The following ZNF75A variants were observed in gnomAD, a reference collection of about 807,000 sequenced individuals.
The protein encoded by ZNF75A is zinc finger protein 75A.
A neutral mutation model predicts 46.3 loss-of-function variants in ZNF75A; 36 were observed. The ratio of observed to expected loss-of-function variants is 0.78; its 90% CI spans 0.60 to 1.03. ZNF75A has a LOEUF of 1.03. ZNF75A is among the 50% of genes least tolerant of loss of function. The probability of loss-of-function intolerance (pLI) is 0.00; values close to 1 mark genes in which losing one functional copy is unlikely to be tolerated. For synonymous variants in ZNF75A, 234 were observed against 189.9 expected (o/e 1.23, Z -1.91); for missense variants, 595 against 551.3 (o/e 1.08, Z -0.79).
At chr16:3,321,876 C>G (rs1433019625), downstream of ZNF75A, among the ~76,000 whole-genome samples, 1 of 152,180 alleles carries the variant, frequency 6.6e-6, no homozygotes, top group Non-Finnish European at 1.5e-5. Context: ...CTACTGAGAA[C>G]AGTGTTTAAT....
Position 3,316,566 on chromosome 16 carries a change from A to G in ZNF75A, c.824-346A>G, listed in dbSNP as rs531349425. On this transcript the variant is annotated intron_variant, in intron 5 of 6. Coordinates refer to ENST00000669516, the MANE Select transcript of ZNF75A (RefSeq NM_001302109.2). ...TCTTATCCAGGCTGAGTCCTTCTGA[A>G]GAGTTAATAAGACCAGCTTATATTC... is the stretch of plus-strand genomic sequence containing the variant. 5.9e-5 allele frequency: 10 copies of G among 168,784 alleles called. No homozygotes were observed. The East Asian group carries it at 6.7e-4, about 11-fold the overall frequency. 10.5% of individuals were successfully genotyped at this position (168,784 alleles called of 1,614,324 possible). A position where few individuals can be genotyped will look rare whatever the true frequency, so the allele number is the denominator to read the frequency against.
intron 3 of ZNF75A, 73 bp from the exon 4 acceptor site, chr16:3,312,604 A>G (rs1960893672): frequency 3.1e-6 from 2 of 643,342 alleles, no homozygotes; most frequent in Non-Finnish European, 3.9e-6. Flanking sequence ...AAAAGTCAGG[A>G]TCAGTGTTTT....
chr16:3,317,066 C>A, intron 6 of ZNF75A, 44 bp downstream of exon 6: 1 of 1,565,626 alleles, frequency 6.4e-7, no homozygotes, highest in Non-Finnish European at 8.7e-7. Flanking sequence ...TTGATGTGAA[C>A]TTTTGCAAGG....
intron 2 of ZNF75A, chr16:3,310,983 T>A (rs896110407): frequency 5.6e-5 from 55 of 983,464 alleles, no homozygotes; most frequent in Non-Finnish European, 6.6e-5. Flanking sequence ...CTCCATTCTA[T>A]CCCCATTCTC....
intron 2 of ZNF75A, 21 bp downstream of exon 2, chr16:3,308,857 C>T (rs1960485674): frequency 2.0e-6 from 2 of 985,348 alleles, no homozygotes; most frequent in African/African-American, 3.5e-5. Flanking sequence ...AGATTCCTGA[C>T]ATGTACAGTG....
At chr16:3,309,324 C>G (rs1040052000) in intron 2 of ZNF75A, 1 of 151,734 alleles carries the variant, frequency 6.6e-6, no homozygotes, top group Non-Finnish European at 1.5e-5. Flanking sequence ...GGCATGATGA[C>G]CGGTGCCTGT....
rs149914364 is a variant in ZNF75A at position 3,308,595 on chromosome 16, A to C, written c.167A>C (p.Tyr56Ser). ...TGCTGGCACTTCCGGAATTTCACCT[A>C]TGATGAAGCAGGTGGACCCCGTGAG... Reference protein sequence around the residue: ...SSCWHFRNFTYDEAGGPREAV... With the variant: ...SSCWHFRNFTSDEAGGPREAV... Residue 56 changes from tyrosine to serine, a missense_variant, in exon 2 of 7, where the codon TAT becomes TCT. By Grantham distance (144) the Tyr-to-Ser change is moderately radical (BLOSUM62 -2). Transcript: ENST00000669516. 31 of 985,956 alleles carry C rather than the reference A, an allele frequency of 3.1e-5. No individual in the cohort carries two copies. The highest frequency in any genetic ancestry group is 3.6e-5 in the Non-Finnish European group (30 of 830,016). The allele number at this position is 985,956 out of a possible 1,614,324, so 61.1% of individuals were successfully genotyped here. A position where few individuals can be genotyped will look rare whatever the true frequency, so the allele number is the denominator to read the frequency against.
In ZNF75A at chr16:3,317,217, A is replaced by G. The variant is rs1254875508; in HGVS notation, c.962A>G (p.Asn321Ser). 2 of 1,611,518 alleles carry G rather than the reference A, an allele frequency of 1.2e-6. No individual in the cohort carries two copies. The highest frequency in any genetic ancestry group is 4.5e-5 in the East Asian group (2 of 44,872). The change falls in exon 7 of 7, where the codon AAT becomes AGT. Residue 321 changes from asparagine to serine, a missense_variant. By Grantham distance (46) the Asn-to-Ser change is conservative. Coordinates refer to ENST00000669516, the MANE Select transcript of ZNF75A (RefSeq NM_001302109.2). ...TTAAAGCTCAAAAACGACACTGAAA[A>G]TCATCAGCCTGTGTCTCTTTCTGAC... Reference protein sequence around the residue: ...TGLKLKNDTENHQPVSLSDLE... With the variant: ...TGLKLKNDTESHQPVSLSDLE...
rs1333277302 is a variant in ZNF75A, at chr16:3,318,396, C to G, written c.*527C>G. On this transcript the variant is annotated 3_prime_UTR_variant, in exon 7 of 7. Coordinates refer to ENST00000669516, the MANE Select transcript of ZNF75A (RefSeq NM_001302109.2). The stretch of plus-strand genomic sequence containing the variant: ...TTTACTGTGATGAAATCTTGTTAAC[C>G]ACCACTAGGGAATCTCCAGATGAAC... 2 of 987,098 alleles carry G rather than the reference C, an allele frequency of 2.0e-6. No individual in the cohort carries two copies. Among genetic ancestry groups the G allele is most frequent in the Non-Finnish European group, 2.4e-6 (2 of 831,278 alleles). The allele number at this position is 987,098 out of a possible 1,614,324, so 61.1% of individuals were successfully genotyped here.
intron 5 of ZNF75A, chr16:3,315,944 A>C (rs1961174827): frequency 6.6e-6 from 1 of 152,186 alleles, no homozygotes; most frequent in African/African-American, 2.4e-5. Flanking sequence ...TCTTTCTGTT[A>C]CTTGAACTCG....
rs1960814178 is a variant in ZNF75A, at chr16:3,311,718, A to G, written c.409-35A>G. 6 of 1,031,648 alleles carry G rather than the reference A, an allele frequency of 5.8e-6. No individual in the cohort carries two copies. The South Asian group carries it at 1.8e-4, about 32-fold the overall frequency. The allele number at this position is 1,031,648 out of a possible 1,614,324, so 63.9% of individuals were successfully genotyped here. On this transcript the variant is annotated intron_variant, in intron 2 of 6. Transcript: ENST00000669516. ...CCTCCACCCCCACAAACCAAAAGTAAGTTCTGTGGTAACAAGGATGGGAAT... is the reference window on the plus strand; with the variant it reads ...CCTCCACCCCCACAAACCAAAAGTAGGTTCTGTGGTAACAAGGATGGGAAT...
downstream of ZNF75A, chr16:3,318,987 A>C (rs1961420210): frequency 3.0e-6 from 1 of 327,906 alleles, no homozygotes; most frequent in Non-Finnish European, 4.4e-6. Flanking sequence ...GATTGCCAAA[A>C]GTCTGTATAG....
At chr16:3,314,116 T>C (rs1268466338) in intron 5 of ZNF75A, among the ~76,000 whole-genome samples, 3 of 152,130 alleles carry the variant, frequency 2.0e-5, no homozygotes, top group Non-Finnish European at 4.4e-5. Flanking sequence ...AGGATAATCA[T>C]CTGGGGAACC....
At chr16:3,316,733 A>C (rs1961234007) in intron 5 of ZNF75A, 179 bp from the exon 6 acceptor site, 2 of 475,812 alleles carry the variant, frequency 4.2e-6, no homozygotes, top group Non-Finnish European at 7.5e-6. Context: ...TCTGCTTTGC[A>C]TAGCTACCTA....
rs928592154 is a variant in ZNF75A at position 3,314,802 on chromosome 16, A to G, written c.823+1627A>G. The G allele has an allele frequency of 5.1e-6, 5 of 985,314 alleles. No homozygotes were observed. The African/African-American group carries it at 8.7e-5, about 17-fold the overall frequency. The allele number at this position is 985,314 out of a possible 1,614,324, so 61.0% of individuals were successfully genotyped here. ...ATTTTTCTCAGGAAGAATTGGAGTT[A>G]CTGGATTACACTCAGAAGGCCCTCT... On this transcript the variant is annotated intron_variant, in intron 5 of 6. Transcript: ENST00000669516.
chr16:3,322,475 A>T (rs1240101309), downstream of ZNF75A, among the ~76,000 whole-genome samples: 1 of 152,224 alleles, frequency 6.6e-6, no homozygotes, highest in Non-Finnish European at 1.5e-5. Flanking sequence ...CCCAAATCTG[A>T]TAATGCGTGT....
chr16:3,311,111 A>G (rs1960742516), intron 2 of ZNF75A, among the ~76,000 whole-genome samples: 1 of 152,164 alleles, frequency 6.6e-6, no homozygotes. Flanking sequence ...ATTGAAGTCA[A>G]CAGAAAAGGC....
chr16:3,317,201 A>G lies in ZNF75A; in HGVS notation c.946A>G (p.Lys316Glu). 6.2e-7 allele frequency: 1 copy of G among 1,610,714 alleles called. No individual in the cohort carries two copies. Among genetic ancestry groups the G allele is most frequent in the East Asian group, 2.2e-5 (1 of 44,848 alleles). The change falls in exon 7 of 7, where the codon AAA (lysine) becomes GAA (glutamate). Residue 316 changes from lysine to glutamate, a missense_variant. Transcript: ENST00000669516. ...GTTTATTCCAACAGGGTTAAAGCTCAAAAACGACACTGAAAATCATCAGCC... is the reference window on the plus strand; with the variant it reads ...GTTTATTCCAACAGGGTTAAAGCTCGAAAACGACACTGAAAATCATCAGCC... ...AGKSPTGLKL[K>E]NDTENHQPVS...
At position 3,308,671 on chromosome 16, in the gene ZNF75A, C is replaced by T; in HGVS notation, c.243C>T (p.Ile81=). Residue 81 remains isoleucine (I), a synonymous_variant, in exon 2 of 7, where the codon ATC becomes ATT. Transcript: ENST00000669516. ...GTCATCTATGGCTGAAGCCAGAGATCCACTCAAAAGAGCAGATACTGGAAC... is the reference window on the plus strand; with the variant it reads ...GTCATCTATGGCTGAAGCCAGAGATTCACTCAAAAGAGCAGATACTGGAAC... ...ELCHLWLKPE[I]HSKEQILELL... The T allele has an allele frequency of 2.0e-6, 2 of 990,088 alleles. No individual in the cohort carries two copies. Among genetic ancestry groups the T allele is most frequent in the Non-Finnish European group, 2.4e-6 (2 of 831,544 alleles). 61.3% of individuals were successfully genotyped at this position (990,088 alleles called of 1,614,324 possible). A position where few individuals can be genotyped will look rare whatever the true frequency, so the allele number is the denominator to read the frequency against.
Sources: gnomAD v4.1 joint callset for allele counts (sites outside exome capture counted in the v4.1 genomes callset) on GRCh38, gnomAD v4.1.1 for gene constraint, MANE v1.5 for transcripts, NCBI Gene and HGNC (gene_info 2026-07-23, HGNC 2026-07-21) for gene names.